The following NT5C1B variants were observed in gnomAD, a reference collection of about 807,000 sequenced individuals.
NT5C1B encodes the protein 5'-nucleotidase, cytosolic IB, also known as cytosolic 5'-nucleotidase 1B.
A neutral mutation model predicts 57.8 loss-of-function variants in NT5C1B; 44 were observed. The ratio of observed to expected loss-of-function variants is 0.76; its 90% CI spans 0.60 to 0.98. The LOEUF (loss-of-function observed/expected upper bound fraction) is 0.98, where lower values mean the gene tolerates loss of function less well. Ranked by LOEUF, NT5C1B falls within the 50% of genes least tolerant of loss-of-function variation. NT5C1B has a pLI of 0.00. For missense variants in NT5C1B, 742 were observed against 719.5 expected (o/e 1.03, Z -0.36); for synonymous variants, 284 against 282.6 (o/e 1.00, Z -0.05).
chr2:18,572,139 A>T (rs1665261517), intron 8 of NT5C1B, among the ~76,000 whole-genome samples: 1 of 151,866 alleles, frequency 6.6e-6, no homozygotes, highest in South Asian at 2.1e-4. Flanking sequence ...AAGACAATGT[A>T]ATATTGATAA....
At chr2:18,589,473 T>C (rs1277752647) in exon 1 of NT5C1B, 21 of 1,613,938 alleles carry the variant, frequency 1.3e-5, no homozygotes, top group Non-Finnish European at 1.0e-5. Flanking sequence ...ACTCATTTTT[T>C]TACCTGTTGA....
At chr2:18,571,750 A>G (rs1264229802) in intron 8 of NT5C1B, among the ~76,000 whole-genome samples, 7,375 of 82,650 alleles carry the variant, frequency 0.089, 813 homozygotes, top group African/African-American at 0.28. Context: ...ATATATATAT[A>G]TATATATATA....
chr2:18,567,620 G>C (rs1400815509), intron 8 of NT5C1B, among the ~76,000 whole-genome samples: 1 of 152,204 alleles, frequency 6.6e-6, no homozygotes, highest in African/African-American at 2.4e-5. Flanking sequence ...CTTGGATCCT[G>C]TGGTGCCATG....
intron 2 of NT5C1B, chr2:18,587,199 A>G (rs757365357): frequency 6.2e-7 from 1 of 1,601,168 alleles, no homozygotes; most frequent in South Asian, 1.1e-5. Flanking sequence ...GAAAGTGGTC[A>G]ATGCCATGGC....
In NT5C1B at chr2:18,587,604, A is replaced by C; in HGVS notation, c.31-12T>G. 6.2e-7 allele frequency: 1 copy of C among 1,606,176 alleles called. No homozygotes were observed. The highest frequency in any genetic ancestry group is 1.1e-5 in the South Asian group (1 of 88,800). On this transcript the variant is annotated splice_polypyrimidine_tract_variant and intron_variant, in intron 1 of 8. Coordinates refer to ENST00000304081, the Ensembl canonical transcript of NT5C1B. ...ATTCCAGGCTCATTCTTGACAAGGA[A>C]ACAAAGAATGTTTATTAATTTTTAA... is the stretch of plus-strand genomic sequence containing the variant.
chr2:18,578,673 C>T (rs1460780261), intron 6 of NT5C1B, among the ~76,000 whole-genome samples: 1 of 152,054 alleles, frequency 6.6e-6, no homozygotes, highest in Non-Finnish European at 1.5e-5. Flanking sequence ...ATAATAAGAG[C>T]CATCTATGAC....
intron 8 of NT5C1B, among the ~76,000 whole-genome samples, chr2:18,574,686 G>T (rs1665515003): frequency 6.6e-6 from 1 of 152,064 alleles, no homozygotes; most frequent in African/African-American, 2.4e-5. Context: ...GTAACAAAAT[G>T]GATGAGACCT....
chr2:18,587,265 T>C, intron 2 of NT5C1B: 1 of 1,502,110 alleles, frequency 6.7e-7, no homozygotes, highest in African/African-American at 1.4e-5. Context: ...CTGTGTAGGC[T>C]GAGCAGAGGA....
In NT5C1B at chr2:18,584,041, C is replaced by T. The variant is rs1666430119; in HGVS notation, c.891+47G>A. On this transcript the variant is annotated intron_variant, in intron 5 of 8. Transcript: ENST00000304081. The surrounding 1 kb of genome is among the most constrained non-coding windows in gnomAD (Gnocchi z 5.8). ...TCCCAAGGGTTGGCCTGGGTCCCTCCCTCGCCATCGAGTGTCCTGGCGGGC... is the reference window on the plus strand; with the variant it reads ...TCCCAAGGGTTGGCCTGGGTCCCTCTCTCGCCATCGAGTGTCCTGGCGGGC... 6.2e-7 allele frequency: 1 copy of T among 1,613,974 alleles called. No homozygotes were observed. The highest frequency in any genetic ancestry group is 1.3e-5 in the African/African-American group (1 of 74,908).
At chr2:18,566,641 A>C (rs1156246751) in intron 8 of NT5C1B, among the ~76,000 whole-genome samples, 1 of 152,218 alleles carries the variant, frequency 6.6e-6, no homozygotes, top group Non-Finnish European at 1.5e-5. Context: ...ACCACATTCA[A>C]ACCAAGTACC....
At chr2:18,573,274 G>A (rs993267840) in intron 8 of NT5C1B, among the ~76,000 whole-genome samples, 2 of 152,042 alleles carry the variant, frequency 1.3e-5, no homozygotes, top group Admixed American at 6.6e-5. Flanking sequence ...TGGAGATAGG[G>A]TACTAGGATG....
In NT5C1B at chr2:18,576,309, G is replaced by A. The variant is rs117487981; in HGVS notation, c.1204C>T (p.Leu402Phe). The A allele has an allele frequency of 2.2e-5, 35 of 1,613,784 alleles. No individual in the cohort carries two copies. Among genetic ancestry groups the A allele is most frequent in the East Asian group, 4.5e-5 (2 of 44,878 alleles). Residue 402 changes from leucine (L) to phenylalanine (F), a missense_variant, in exon 8 of 9, where the codon CTC becomes TTC. Leu to Phe is a conservative substitution (Grantham distance 22). Coordinates refer to ENST00000304081, the Ensembl canonical transcript of NT5C1B. ...GCATCCCCATCAAAGGCTACACGGA[G>A]CTGAGTGTCACAGTAAGCCATGTCT...
At chr2:18,587,631 C>G in intron 1 of NT5C1B, 39 bp from the exon 2 acceptor site, 1 of 1,590,566 alleles carries the variant, frequency 6.3e-7, no homozygotes, top group Non-Finnish European at 8.5e-7. Context: ...AATTTTTAAT[C>G]TCAGGGCATT....
At chr2:18,583,146 A>T (rs1666331510) in intron 5 of NT5C1B, 149 bp from the exon 6 acceptor site, 1 of 1,077,108 alleles carries the variant, frequency 9.3e-7, no homozygotes, top group East Asian at 2.8e-5. Flanking sequence ...GATTTATCCC[A>T]TGCATTTCTG....
At chr2:18,568,647 A>T (rs1664874567) in intron 8 of NT5C1B, among the ~76,000 whole-genome samples, 1 of 152,226 alleles carries the variant, frequency 6.6e-6, no homozygotes, top group Admixed American at 6.5e-5. Flanking sequence ...TCCCCAGGTC[A>T]CTAAGCTAAA....
At chr2:18,586,827 G>A in intron 2 of NT5C1B, 1 of 1,284,044 alleles carries the variant, frequency 7.8e-7, no homozygotes, top group East Asian at 2.6e-5. Context: ...GGACTCTAAG[G>A]CAGCTGCTGA....
chr2:18,564,019 G>A (rs1664412036), exon 9 of NT5C1B: 1 of 1,614,122 alleles, frequency 6.2e-7, no homozygotes, highest in Non-Finnish European at 8.5e-7. Flanking sequence ...ACTCCTAGCT[G>A]TAACCAGGTA....
chr2:18,580,710 T>C (rs1479896347), intron 6 of NT5C1B, among the ~76,000 whole-genome samples: 1 of 152,196 alleles, frequency 6.6e-6, no homozygotes, highest in African/African-American at 2.4e-5. Flanking sequence ...CCATTGATGA[T>C]AGACTGGATA....
At position 18,576,437 on chromosome 2, in the gene NT5C1B, A is replaced by T. The variant is rs907872765; in HGVS notation, c.1145-69T>A. 72 of 1,519,770 alleles carry T rather than the reference A, an allele frequency of 4.7e-5. No homozygotes were observed. In the African/African-American group the frequency reaches 7.8e-4, roughly 17 times the overall value. 94.1% of individuals were successfully genotyped at this position (1,519,770 alleles called of 1,614,324 possible). ...GAGTTATAGTTTCTACCATTAAAAA[A>T]AACAAATTCTCCCAGACCTTATGTT... is the stretch of plus-strand genomic sequence containing the variant. On this transcript the variant is annotated intron_variant, in intron 7 of 8. Coordinates refer to ENST00000304081, the Ensembl canonical transcript of NT5C1B.
Sources: allele counts gnomAD v4.1 joint callset (sites outside exome capture counted in the v4.1 genomes callset), GRCh38; gene constraint gnomAD v4.1.1; non-coding constraint Gnocchi (gnomAD v3.1); transcripts MANE v1.5; gene names NCBI Gene and HGNC (gene_info 2026-07-23, HGNC 2026-07-21).